Variants in LGR4 observed in about 807,000 individuals in gnomAD.
LGR4 encodes the protein leucine-rich repeat-containing G protein-coupled receptor 4.
In LGR4, 44 loss-of-function variants were observed where a neutral mutation model predicts 84.8. The observed-to-expected ratio is 0.52, with a 90% CI of 0.41 to 0.67. The LOEUF (loss-of-function observed/expected upper bound fraction) is 0.67, where lower values mean the gene tolerates loss of function less well. LGR4 is among the 30% of genes least tolerant of loss of function. The pLI is 0.00. For missense variants in LGR4, 1,032 were observed against 1,131.4 expected (o/e 0.91, Z 1.26); for synonymous variants, 429 against 434.3 (o/e 0.99, Z 0.15).
intron 1 of LGR4, among the ~76,000 whole-genome samples, chr11:27,458,351 A>G (rs553541359): frequency 2.2e-4 from 34 of 152,226 alleles, no homozygotes; most frequent in Middle Eastern, 6.8e-3. Flanking sequence ...AGAGGAGATA[A>G]CTACAGAGAG....
At chr11:27,394,401 A>C (rs903537813) in intron 2 of LGR4, among the ~76,000 whole-genome samples, 1 of 151,856 alleles carries the variant, frequency 6.6e-6, no homozygotes, top group East Asian at 1.9e-4. Context: ...TTACTTATTT[A>C]TTTTATTTAT....
intron 1 of LGR4, among the ~76,000 whole-genome samples, chr11:27,414,202 T>C (rs1056396997): frequency 7.9e-5 from 12 of 152,100 alleles, no homozygotes; most frequent in Admixed American, 6.6e-5. Context: ...CCCATGACCT[T>C]AAGTGCAAAC....
intron 1 of LGR4, among the ~76,000 whole-genome samples, chr11:27,467,776 G>T (rs534868532): frequency 1.3e-5 from 2 of 151,996 alleles, no homozygotes; most frequent in South Asian, 2.1e-4. Context: ...TTTTTTCCTC[G>T]CTTATATTTA....
intron 1 of LGR4, among the ~76,000 whole-genome samples, chr11:27,426,374 T>G (rs910310399): frequency 1.3e-5 from 2 of 152,334 alleles, no homozygotes; most frequent in Non-Finnish European, 2.9e-5. Context: ...GGAGGAATGA[T>G]GTAAAATTGG....
At chr11:27,414,371 G>A (rs1201840033) in intron 1 of LGR4, among the ~76,000 whole-genome samples, 5 of 151,062 alleles carry the variant, frequency 3.3e-5, no homozygotes, top group African/African-American at 1.2e-4. Context: ...CTCTGGAAGA[G>A]CACTTTTGCT....
At chr11:27,420,256 G>A (rs1157333918) in intron 1 of LGR4, among the ~76,000 whole-genome samples, 1 of 152,120 alleles carries the variant, frequency 6.6e-6, no homozygotes, top group Non-Finnish European at 1.5e-5. Flanking sequence ...CGAGAAATAT[G>A]GGGCTCTTTT....
intron 2 of LGR4, among the ~76,000 whole-genome samples, chr11:27,400,371 G>A (rs1375065476): frequency 2.0e-5 from 3 of 152,066 alleles, no homozygotes; most frequent in Admixed American, 6.6e-5. Flanking sequence ...GATAAGGAAT[G>A]TGAGCCTGTT....
intron 2 of LGR4, among the ~76,000 whole-genome samples, chr11:27,407,838 T>G (rs1273637712): frequency 6.6e-6 from 1 of 152,090 alleles, no homozygotes; most frequent in Non-Finnish European, 1.5e-5. Flanking sequence ...CACTGCAATA[T>G]TTAAAGATTT....
At chr11:27,468,898 G>A (rs959433670) in intron 1 of LGR4, among the ~76,000 whole-genome samples, 4 of 152,064 alleles carry the variant, frequency 2.6e-5, no homozygotes, top group Admixed American at 6.6e-5. Flanking sequence ...CTCAAACACC[G>A]TAGCAATAAC....
chr11:27,446,584 G>C (rs1455764638), intron 1 of LGR4, among the ~76,000 whole-genome samples: 1 of 152,202 alleles, frequency 6.6e-6, no homozygotes, highest in African/African-American at 2.4e-5. Context: ...TACACTGTTG[G>C]TGGGACTGTA....
Position 27,380,957 on chromosome 11 carries a change from A to G in LGR4, c.768T>C (p.His256=), listed in dbSNP as rs1160262282. The part of the protein sequence containing the change: ...ALPSLKELGF[H]SNSISVIPDG... ...CAGGGATAACAGAAATAGAATTACT[A>G]TGAAATCCTCTAGAAAGATAGGAGA... Residue 256 remains histidine, a synonymous_variant, in exon 8 of 18, where the codon CAT becomes CAC. Transcript: ENST00000379214. The G allele has an allele frequency of 2.6e-6, 4 of 1,527,892 alleles. No homozygotes were observed. Among genetic ancestry groups the G allele is most frequent in the African/African-American group, 2.7e-5 (2 of 73,054 alleles). 94.6% of individuals were successfully genotyped at this position (1,527,892 alleles called of 1,614,324 possible). A position where few individuals can be genotyped will look rare whatever the true frequency, so the allele number is the denominator to read the frequency against.
intron 9 of LGR4, 67 bp from the exon 10 acceptor site, chr11:27,380,406 T>A: frequency 8.4e-7 from 1 of 1,190,466 alleles, no homozygotes. Context: ...TTTAAACAGT[T>A]TAAAATTACA....
intron 1 of LGR4, among the ~76,000 whole-genome samples, chr11:27,463,612 C>A (rs1267025874): frequency 6.6e-6 from 1 of 151,942 alleles, no homozygotes; most frequent in Non-Finnish European, 1.5e-5. Context: ...ATGGTGAAAC[C>A]CCGTCTCTAC....
chr11:27,416,353 G>A (rs188639478), intron 1 of LGR4, among the ~76,000 whole-genome samples: 5 of 152,234 alleles, frequency 3.3e-5, no homozygotes, highest in African/African-American at 9.6e-5. Flanking sequence ...TGGCTTCTTC[G>A]TTTGTAAAAC....
intron 1 of LGR4, among the ~76,000 whole-genome samples, chr11:27,441,314 T>C (rs1864300948): frequency 1.3e-5 from 2 of 151,504 alleles, no homozygotes; most frequent in Non-Finnish European, 2.9e-5. Flanking sequence ...AACCATTACA[T>C]CTAAGCAGTC....
chr11:27,370,709 T>C (rs532740400), intron 17 of LGR4, among the ~76,000 whole-genome samples: 1 of 152,294 alleles, frequency 6.6e-6, no homozygotes, highest in African/African-American at 2.4e-5. Flanking sequence ...ACGCTGCATG[T>C]TGAAGTCCAG....
At chr11:27,380,482 G>T in intron 9 of LGR4, 143 bp from the exon 10 acceptor site, 2 of 724,878 alleles carry the variant, frequency 2.8e-6, no homozygotes, top group South Asian at 4.4e-5. Flanking sequence ...ATGATAATGT[G>T]GCAAAGTATT....
At chr11:27,399,762 A>C (rs1419588001) in intron 2 of LGR4, among the ~76,000 whole-genome samples, 1 of 151,994 alleles carries the variant, frequency 6.6e-6, no homozygotes. Context: ...CAGGTGATCC[A>C]CCTGCCTCGG....
At chr11:27,399,254 C>T (rs1372750973) in intron 2 of LGR4, among the ~76,000 whole-genome samples, 1 of 152,082 alleles carries the variant, frequency 6.6e-6, no homozygotes, top group Non-Finnish European at 1.5e-5. Flanking sequence ...TGAAGACACA[C>T]ATAGGAAGTA....
Sources: allele counts gnomAD v4.1 joint callset (sites outside exome capture counted in the v4.1 genomes callset), GRCh38; gene constraint gnomAD v4.1.1; transcripts MANE v1.5; gene names NCBI Gene and HGNC (gene_info 2026-07-23, HGNC 2026-07-21).